Variants in GPHN observed in about 807,000 individuals in gnomAD.
The protein encoded by GPHN is gephyrin.
A neutral mutation model predicts 95.5 loss-of-function variants in GPHN; 17 were observed. That is an observed-to-expected ratio of 0.18 (90% CI 0.12 to 0.27). The LOEUF (loss-of-function observed/expected upper bound fraction) is 0.27. Among genes scored for constraint, GPHN ranks in the 10% least tolerant of loss-of-function variants. The pLI, the probability that GPHN is intolerant of heterozygous loss-of-function variation, is 1.00. For synonymous variants in GPHN, 320 were observed against 322.5 expected (o/e 0.99, Z 0.08); for missense variants, 660 against 978.1 (o/e 0.67, Z 4.34).
At chr14:67,405,469 G>A in the GPHN span, among the ~76,000 whole-genome samples, 9 of 152,086 alleles carry the variant, frequency 5.9e-5, no homozygotes, top group Admixed American at 5.2e-4. Flanking sequence ...ATCCAGTGGG[G>A]AAGACAGACA....
the GPHN span, among the ~76,000 whole-genome samples, chr14:67,357,821 A>G: frequency 2.6e-5 from 4 of 152,302 alleles, no homozygotes; most frequent in African/African-American, 9.6e-5. Context: ...TAAACGCCAT[A>G]CTACCTGGCA....
At chr14:66,523,875 A>G (rs1357179003) in intron 1 of GPHN, among the ~76,000 whole-genome samples, 1 of 152,014 alleles carries the variant, frequency 6.6e-6, no homozygotes, top group East Asian at 1.9e-4. Flanking sequence ...TTTTCCCACT[A>G]TTTTATCTTA....
At chr14:67,553,901 C>G in the GPHN span, among the ~76,000 whole-genome samples, 1 of 152,138 alleles carries the variant, frequency 6.6e-6, no homozygotes, top group Non-Finnish European at 1.5e-5. Flanking sequence ...AGTAGTGTTA[C>G]CGCAAGAGAG....
chr14:66,527,270 T>C (rs2058729102), intron 1 of GPHN, among the ~76,000 whole-genome samples: 4 of 152,190 alleles, frequency 2.6e-5, no homozygotes, highest in Admixed American at 2.6e-4. Context: ...GAGGCGTTTA[T>C]AGTATTCTCT....
chr14:66,946,214 G>T (rs1358360038), intron 8 of GPHN, among the ~76,000 whole-genome samples: 2 of 151,990 alleles, frequency 1.3e-5, no homozygotes, highest in Non-Finnish European at 2.9e-5. Context: ...AGGAACTTTT[G>T]TTCTTTGGGG....
At chr14:66,553,699 C>A (rs1254728210) in intron 1 of GPHN, among the ~76,000 whole-genome samples, 2 of 152,172 alleles carry the variant, frequency 1.3e-5, no homozygotes, top group African/African-American at 4.8e-5. Flanking sequence ...GCGTCAGCCT[C>A]CTGAGTAGCT....
In GPHN at chr14:67,023,617, T is replaced by C. The variant is rs779631981; in HGVS notation, c.964-16T>C. Reference sequence around the variant, plus strand: ...GCTATAAACCCTAAATTACTGAGTTTATGCTCTTTCTACAGGTCCAGTCCA... The same window carrying C: ...GCTATAAACCCTAAATTACTGAGTTCATGCTCTTTCTACAGGTCCAGTCCA... On this transcript the variant is annotated splice_polypyrimidine_tract_variant and intron_variant, in intron 9 of 22. Coordinates refer to ENST00000478722, the MANE Select transcript of GPHN (RefSeq NM_020806.5). The C allele has an allele frequency of 6.2e-7, 1 of 1,611,018 alleles. No individual in the cohort carries two copies. Among genetic ancestry groups the C allele is most frequent in the East Asian group, 2.2e-5 (1 of 44,862 alleles).
intron 2 of GPHN, among the ~76,000 whole-genome samples, chr14:66,710,259 A>G (rs1214220670): frequency 2.0e-5 from 3 of 152,190 alleles, no homozygotes; most frequent in Admixed American, 6.6e-5. Context: ...TATATGCCAA[A>G]TAGATTCCAG....
chr14:67,644,856 G>C, the GPHN span, among the ~76,000 whole-genome samples: 2 of 152,090 alleles, frequency 1.3e-5, no homozygotes, highest in East Asian at 3.9e-4. Context: ...AAATTAGCCA[G>C]GCATGGTGGC....
the GPHN span, chr14:67,735,345 C>G: frequency 5.2e-6 from 4 of 765,670 alleles, no homozygotes; most frequent in African/African-American, 6.8e-5. Flanking sequence ...ATCTAGTCTG[C>G]TCAGCCTGGG....
At chr14:67,663,634 A>G in the GPHN span, among the ~76,000 whole-genome samples, 1 of 152,216 alleles carries the variant, frequency 6.6e-6, no homozygotes, top group Non-Finnish European at 1.5e-5. Flanking sequence ...AGATTGTGCC[A>G]CTGCACTCCA....
At chr14:67,005,955 A>T (rs1025772024) in intron 9 of GPHN, among the ~76,000 whole-genome samples, 1 of 151,604 alleles carries the variant, frequency 6.6e-6, no homozygotes, top group African/African-American at 2.4e-5. Flanking sequence ...GTATATTGGT[A>T]CTCAAGTGTT....
chr14:66,535,598 G>T (rs2139999992), intron 1 of GPHN, among the ~76,000 whole-genome samples: 1 of 152,204 alleles, frequency 6.6e-6, no homozygotes, highest in Admixed American at 6.5e-5. Flanking sequence ...CCATGAACAT[G>T]GATTATCTAT....
chr14:67,476,843 T>C, the GPHN span, among the ~76,000 whole-genome samples: 2 of 151,648 alleles, frequency 1.3e-5, no homozygotes, highest in African/African-American at 4.8e-5. Flanking sequence ...TGCTCGATAG[T>C]GGCTGGGCAC....
At chr14:66,764,917 G>T (rs192577949) in intron 2 of GPHN, among the ~76,000 whole-genome samples, 37 of 152,124 alleles carry the variant, frequency 2.4e-4, no homozygotes, top group African/African-American at 8.7e-4. Context: ...TTTTAAAAAA[G>T]AAGATAATCA....
intron 2 of GPHN, among the ~76,000 whole-genome samples, chr14:66,683,917 A>G (rs1041771195): frequency 2.7e-5 from 4 of 150,808 alleles, no homozygotes; most frequent in African/African-American, 9.8e-5. Flanking sequence ...CAGAGCTTGC[A>G]GTGAGCAGAG....
chr14:67,334,528 ATTTT>A, the GPHN span: 1 of 152,384 alleles, frequency 6.6e-6, no homozygotes, highest in Non-Finnish European at 1.5e-5. Context: ...TATTTGATTG[ATTTT>A]TTTTCTTCTA....
intron 2 of GPHN, among the ~76,000 whole-genome samples, chr14:66,694,110 C>G (rs1595577776): frequency 6.6e-6 from 1 of 152,010 alleles, no homozygotes; most frequent in East Asian, 1.9e-4. Flanking sequence ...AAGCTTAACC[C>G]CCGATGTGAG....
rs1037050947 is a variant in GPHN at position 66,553,532 on chromosome 14, C to T, written c.64+44941C>T. The stretch of plus-strand genomic sequence containing the variant: ...TCTTCAACTTCACTTTTCCTGCCAA[C>T]GTCAATATACTGTTAATCCTCTCCA... On this transcript the variant is annotated intron_variant, in intron 1 of 22. Transcript: ENST00000478722. Among the ~76,000 whole-genome samples, 13 of 152,048 alleles carry T rather than the reference C, an allele frequency of 8.5e-5. No homozygotes were observed. The East Asian group carries it at 1.4e-3, about 16-fold the overall frequency.
Sources: allele counts gnomAD v4.1 joint callset (sites outside exome capture counted in the v4.1 genomes callset), GRCh38; gene constraint gnomAD v4.1.1; transcripts MANE v1.5; gene names NCBI Gene and HGNC (gene_info 2026-07-23, HGNC 2026-07-21).